Variants in PPP2R2C observed in about 807,000 individuals in gnomAD.
PPP2R2C encodes the protein protein phosphatase 2, regulatory subunit B, gamma.
In PPP2R2C, 10 loss-of-function variants were observed where a neutral mutation model predicts 45.3. That is an observed-to-expected ratio of 0.22 (90% CI 0.14 to 0.37). The LOEUF (loss-of-function observed/expected upper bound fraction) is 0.37, where lower values mean the gene tolerates loss of function less well. Ranked by LOEUF, PPP2R2C falls within the 10% of genes least tolerant of loss-of-function variation. The pLI, the probability that PPP2R2C is intolerant of heterozygous loss-of-function variation, is 1.00. For synonymous variants in PPP2R2C, 257 were observed against 245.4 expected (o/e 1.05, Z -0.44); for missense variants, 308 against 619.7 (o/e 0.50, Z 5.34).
At chr4:6,522,430 A>G (rs577306806) in intron 2 of PPP2R2C, among the ~76,000 whole-genome samples, 148 of 152,344 alleles carry the variant, frequency 9.7e-4, no homozygotes, top group South Asian at 3.1e-3. Flanking sequence ...AGCTGGGGAC[A>G]CAAGTGAATC....
At chr4:6,456,595 G>T (rs1044676385) in intron 1 of PPP2R2C, among the ~76,000 whole-genome samples, 2 of 152,072 alleles carry the variant, frequency 1.3e-5, no homozygotes, top group African/African-American at 4.8e-5. Flanking sequence ...TCGCTCCTTC[G>T]GTCAGTTCAT....
intron 1 of PPP2R2C, among the ~76,000 whole-genome samples, chr4:6,469,888 G>T (rs896011129): frequency 6.6e-6 from 1 of 152,160 alleles, no homozygotes; most frequent in East Asian, 1.9e-4. Context: ...CTCTGCATCC[G>T]CAGCACCTGA....
intron 1 of PPP2R2C, among the ~76,000 whole-genome samples, chr4:6,560,101 C>T (rs867230193): frequency 5.5e-4 from 84 of 152,358 alleles, no homozygotes; most frequent in African/African-American, 1.9e-3. Flanking sequence ...CATCCTGGGG[C>T]CCTTGAAGGC....
chr4:6,419,942 T>G (rs878283), intron 1 of PPP2R2C, among the ~76,000 whole-genome samples: 1 of 152,022 alleles, frequency 6.6e-6, no homozygotes, highest in Non-Finnish European at 1.5e-5. Context: ...TATGACCTCA[T>G]CTTAACTAGT....
chr4:6,402,724 G>C (rs1256085190), intron 1 of PPP2R2C, among the ~76,000 whole-genome samples: 2 of 152,236 alleles, frequency 1.3e-5, no homozygotes, highest in Non-Finnish European at 1.5e-5. Flanking sequence ...GCCCAGCCTG[G>C]GGATCAGGGA....
chr4:6,543,309 G>A (rs547645241), intron 1 of PPP2R2C, among the ~76,000 whole-genome samples: 19 of 152,092 alleles, frequency 1.2e-4, no homozygotes, highest in Admixed American at 3.3e-4. Context: ...CCAAGAGCAC[G>A]TCCTAATCGA....
At chr4:6,556,459 G>A (rs926895339) in intron 1 of PPP2R2C, among the ~76,000 whole-genome samples, 3 of 152,174 alleles carry the variant, frequency 2.0e-5, no homozygotes, top group African/African-American at 7.2e-5. Context: ...TCCGGATGGA[G>A]CTCAGGGGAC....
chr4:6,327,200 G>T (rs889822730), intron 8 of PPP2R2C, among the ~76,000 whole-genome samples: 1 of 152,202 alleles, frequency 6.6e-6, no homozygotes, highest in African/African-American at 2.4e-5. Context: ...TAGCCCCCCA[G>T]GGCACCCCAC....
chr4:6,512,245 G>A (rs1221915413), intron 2 of PPP2R2C, among the ~76,000 whole-genome samples: 3 of 74,594 alleles, frequency 4.0e-5, no homozygotes, highest in South Asian at 5.0e-4. Context: ...GGTGGGGGTG[G>A]TGGTGGTGAT....
At chr4:6,538,785 C>A (rs1012007928) in intron 1 of PPP2R2C, among the ~76,000 whole-genome samples, 2 of 152,206 alleles carry the variant, frequency 1.3e-5, no homozygotes, top group Non-Finnish European at 2.9e-5. Context: ...ACGCGTGGAG[C>A]TGGCCGCTCC....
At chr4:6,428,964 G>A (rs1446134595) in intron 1 of PPP2R2C, among the ~76,000 whole-genome samples, 1 of 152,232 alleles carries the variant, frequency 6.6e-6, no homozygotes. Context: ...TATACCAAGG[G>A]TCAGCAAATT....
At position 6,508,284 on chromosome 4, in the gene PPP2R2C, A is replaced by G. The variant is rs371041463; in HGVS notation, c.49+26987T>C. On this transcript the variant is annotated intron_variant, in intron 2 of 9. Coordinates refer to the PPP2R2C transcript ENST00000506140. ...GGCATCAGGGAAAGGCAGTCTCCCA[A>G]TAGAAACAGCTGAAGCTGGGGGCCA... Among the ~76,000 whole-genome samples the G allele has an allele frequency of 2.1e-3, 314 of 152,298 alleles. No homozygotes were observed. The Middle Eastern group carries it at 0.024, about 12-fold the overall frequency.
intron 1 of PPP2R2C, among the ~76,000 whole-genome samples, chr4:6,452,564 C>A (rs1267772681): frequency 1.3e-5 from 2 of 152,238 alleles, no homozygotes; most frequent in Admixed American, 1.3e-4. Context: ...GCGCCCTGCA[C>A]CACCTTAGAA....
At chr4:6,532,247 A>T (rs1024168287) in intron 2 of PPP2R2C, among the ~76,000 whole-genome samples, 1 of 152,198 alleles carries the variant, frequency 6.6e-6, no homozygotes, top group African/African-American at 2.4e-5. Flanking sequence ...CATCATCCCC[A>T]GTCCATAGAA....
At chr4:6,539,977 G>A (rs998403936) in intron 1 of PPP2R2C, among the ~76,000 whole-genome samples, 2 of 152,228 alleles carry the variant, frequency 1.3e-5, no homozygotes, top group Non-Finnish European at 2.9e-5. Flanking sequence ...TGAGGACCCT[G>A]CAGTTAGCCC....
Position 6,323,137 on chromosome 4 carries a change from G to A in PPP2R2C, c.*165C>T. On this transcript the variant is annotated 3_prime_UTR_variant, in exon 9 of 9. Coordinates refer to ENST00000382599, the MANE Select transcript of PPP2R2C (RefSeq NM_020416.4). Reference sequence around the variant, plus strand: ...AACACAATTCTGGCCTAGGAAAGCTGGGGCAGGGAGGGGGCCCAAACTTCC... The same window carrying A: ...AACACAATTCTGGCCTAGGAAAGCTAGGGCAGGGAGGGGGCCCAAACTTCC... 2 of 711,714 alleles carry A rather than the reference G, an allele frequency of 2.8e-6. No homozygotes were observed. The highest frequency in any genetic ancestry group is 4.3e-6 in the Non-Finnish European group (2 of 470,514). The allele number at this position is 711,714 out of a possible 1,614,324, so 44.1% of individuals were successfully genotyped here. A position where few individuals can be genotyped will look rare whatever the true frequency, so the allele number is the denominator to read the frequency against.
intron 1 of PPP2R2C, among the ~76,000 whole-genome samples, chr4:6,561,148 G>A (rs1274637165): frequency 1.3e-5 from 2 of 152,202 alleles, no homozygotes; most frequent in African/African-American, 4.8e-5. Flanking sequence ...AATGCCCTGT[G>A]GGGTACCTGT....
At chr4:6,486,402 T>C (rs1250334055) in intron 2 of PPP2R2C, among the ~76,000 whole-genome samples, 1 of 152,178 alleles carries the variant, frequency 6.6e-6, no homozygotes, top group Non-Finnish European at 1.5e-5. Flanking sequence ...TTGTTGATAG[T>C]GTTGTTCATA....
At chr4:6,415,786 A>G (rs1560531238) in intron 1 of PPP2R2C, among the ~76,000 whole-genome samples, 1 of 152,194 alleles carries the variant, frequency 6.6e-6, no homozygotes, top group Non-Finnish European at 1.5e-5. Flanking sequence ...GAATCCTTCT[A>G]CAACAGACCT....
Sources: gnomAD v4.1 joint callset for allele counts (sites outside exome capture counted in the v4.1 genomes callset) on GRCh38, gnomAD v4.1.1 for gene constraint, MANE v1.5 for transcripts, NCBI Gene and HGNC (gene_info 2026-07-23, HGNC 2026-07-21) for gene names.